The following CCDC192 variants were observed in gnomAD, a reference collection of about 807,000 sequenced individuals.
The protein encoded by CCDC192 is coiled-coil domain containing 192, also known as coiled-coil domain-containing protein 192.
intron 2 of CCDC192, among the ~76,000 whole-genome samples, chr5:127,753,561 T>C (rs1276184827): frequency 4.0e-5 from 6 of 151,802 alleles, no homozygotes; most frequent in Non-Finnish European, 7.4e-5. Context: ...CCAGGCATGG[T>C]GGCGCGTGCC....
At chr5:127,782,997 GTT>G (rs576250474) in intron 3 of CCDC192, among the ~76,000 whole-genome samples, 11 of 138,756 alleles carry the variant, frequency 7.9e-5, no homozygotes, top group African/African-American at 2.4e-4. Context: ...TAGAGGTGGG[GTT>G]TTTTTTTTTT....
intron 3 of CCDC192, among the ~76,000 whole-genome samples, chr5:127,761,648 G>C (rs1754935805): frequency 6.6e-6 from 1 of 152,118 alleles, no homozygotes; most frequent in African/African-American, 2.4e-5. Flanking sequence ...CAAGGTTCTT[G>C]GGGCTCAGGT....
At chr5:127,800,709 T>G (rs1757462513) in intron 5 of CCDC192, among the ~76,000 whole-genome samples, 1 of 152,120 alleles carries the variant, frequency 6.6e-6, no homozygotes, top group African/African-American at 2.4e-5. Flanking sequence ...TCTATTCGTA[T>G]CCCCCAGCCA....
At chr5:127,708,888 C>T (rs1371031979) in intron 2 of CCDC192, among the ~76,000 whole-genome samples, 1 of 151,896 alleles carries the variant, frequency 6.6e-6, no homozygotes, top group Non-Finnish European at 1.5e-5. Context: ...GTTGGAATCC[C>T]GGCATCACTA....
chr5:127,798,724 C>CAT lies in CCDC192; in HGVS notation c.411+571_411+572dup, dbSNP rs927987125. On this transcript the variant is annotated intron_variant, in intron 5 of 6. Transcript: ENST00000514853. ...ATTTTTTATACATTTTTTATACATA[C>CAT]ATATATATATTACATATATTTAATA... Among the ~76,000 whole-genome samples the CAT allele has an allele frequency of 2.1e-4, 31 of 150,362 alleles. No individual in the cohort carries two copies. The East Asian group carries it at 3.1e-3, about 15-fold the overall frequency.
chr5:127,888,099 A>G (rs931846699), intron 6 of CCDC192, among the ~76,000 whole-genome samples: 29 of 151,886 alleles, frequency 1.9e-4, no homozygotes, highest in Middle Eastern at 3.4e-3. Context: ...TTATATATGT[A>G]TTGTGATCGT....
chr5:127,797,403 T>A (rs1757218527), intron 4 of CCDC192, among the ~76,000 whole-genome samples, 169 bp downstream of exon 4: 1 of 152,182 alleles, frequency 6.6e-6, no homozygotes, highest in Non-Finnish European at 1.5e-5. Flanking sequence ...CTGGCAAATA[T>A]TGAGATAAAA....
chr5:127,831,390 G>GTGCATCTGTGTGTGTGCA (rs1172514090), intron 5 of CCDC192, among the ~76,000 whole-genome samples: 1 of 151,968 alleles, frequency 6.6e-6, no homozygotes, highest in Non-Finnish European at 1.5e-5. Context: ...GTGTGTGTGT[G>GTGCATCTGTGTGTGTGCA]TGCATCTGTG....
intron 2 of CCDC192, among the ~76,000 whole-genome samples, chr5:127,747,670 G>A (rs1349580873): frequency 1.3e-5 from 2 of 151,642 alleles, no homozygotes; most frequent in Admixed American, 6.6e-5. Context: ...TAGATCCCTG[G>A]GGAATCACCA....
chr5:127,938,846 GA>G (rs1225063849), intron 6 of CCDC192, among the ~76,000 whole-genome samples: 1 of 152,132 alleles, frequency 6.6e-6, no homozygotes, highest in Non-Finnish European at 1.5e-5. Flanking sequence ...CAAATGAAAG[GA>G]AAGGTGAGAC....
chr5:127,733,371 C>G (rs916812186), intron 2 of CCDC192, among the ~76,000 whole-genome samples: 2 of 152,096 alleles, frequency 1.3e-5, no homozygotes, highest in Non-Finnish European at 2.9e-5. Flanking sequence ...CCTGAATTAC[C>G]CCATTTCATC....
intron 3 of CCDC192, among the ~76,000 whole-genome samples, chr5:127,762,612 T>A (rs192828882): frequency 6.6e-6 from 1 of 152,328 alleles, no homozygotes; most frequent in African/African-American, 2.4e-5. Context: ...GCCTGTTACA[T>A]AACTAAAAAC....
At chr5:127,749,517 G>A (rs1427096811) in intron 2 of CCDC192, among the ~76,000 whole-genome samples, 1 of 151,876 alleles carries the variant, frequency 6.6e-6, no homozygotes, top group Non-Finnish European at 1.5e-5. Context: ...CGTTTTGCCA[G>A]TATTTTATTG....
intron 5 of CCDC192, among the ~76,000 whole-genome samples, chr5:127,827,627 C>T (rs527466783): frequency 6.6e-6 from 1 of 152,264 alleles, no homozygotes; most frequent in South Asian, 2.1e-4. Flanking sequence ...GGAAGAACGC[C>T]TTGTGCTGTC....
At chr5:127,907,209 G>GT in intron 6 of CCDC192, among the ~76,000 whole-genome samples, 1 of 152,202 alleles carries the variant, frequency 6.6e-6, no homozygotes, top group Middle Eastern at 3.4e-3. Context: ...AAACCCACAA[G>GT]TTAGCCATAA....
At chr5:127,925,574 A>G (rs956796606) in intron 6 of CCDC192, among the ~76,000 whole-genome samples, 3 of 152,212 alleles carry the variant, frequency 2.0e-5, no homozygotes, top group African/African-American at 7.2e-5. Context: ...AAAAGCAAGT[A>G]GCACAAAGTA....
Position 127,815,966 on chromosome 5 carries a change from A to G in CCDC192, c.411+17804A>G, listed in dbSNP as rs146379299. Among the ~76,000 whole-genome samples the G allele has an allele frequency of 4.5e-3, 679 of 152,370 alleles. 3 individuals are homozygous for G. Among genetic ancestry groups the G allele is most frequent in the African/African-American group, 0.015 (642 of 41,588 alleles). ...TGGGATCAGGTGTTATTAAATATAC[A>G]GTATGTATATAAAAAGTACAAAAAT... On this transcript the variant is annotated intron_variant, in intron 5 of 6. Coordinates refer to ENST00000514853, the MANE Select transcript of CCDC192 (RefSeq NM_001317938.2).
intron 2 of CCDC192, among the ~76,000 whole-genome samples, chr5:127,721,866 A>C (rs1752046827): frequency 6.6e-6 from 1 of 152,078 alleles, no homozygotes; most frequent in African/African-American, 2.4e-5. Flanking sequence ...GAGGTGCCAC[A>C]CACTTTTAAA....
rs535752303 is a variant in CCDC192 at position 127,827,276 on chromosome 5, C to T, written c.411+29114C>T. On this transcript the variant is annotated intron_variant, in intron 5 of 6. Coordinates refer to ENST00000514853, the MANE Select transcript of CCDC192 (RefSeq NM_001317938.2). ...AAGAGTAAAGGGAGTAAAGGCTTCTCAGTAGGCACCAAGTACCCATTTGGT... is the reference window on the plus strand; with the variant it reads ...AAGAGTAAAGGGAGTAAAGGCTTCTTAGTAGGCACCAAGTACCCATTTGGT... Among the ~76,000 whole-genome samples the T allele has an allele frequency of 6.6e-5, 10 of 152,310 alleles. No individual in the cohort carries two copies. The South Asian group carries it at 1.9e-3, about 28-fold the overall frequency.
Sources: allele counts gnomAD v4.1 joint callset (sites outside exome capture counted in the v4.1 genomes callset), GRCh38; gene constraint gnomAD v4.1.1; transcripts MANE v1.5; gene names NCBI Gene and HGNC (gene_info 2026-07-23, HGNC 2026-07-21).